Variants in FSTL5 observed in about 807,000 individuals in gnomAD.
The protein encoded by FSTL5 is follistatin like 5, also known as follistatin-related protein 5.
FSTL5 carries 62 observed loss-of-function variants against 89.1 expected under a neutral mutation model. The observed-to-expected ratio is 0.70, with a 90% CI of 0.57 to 0.86. The LOEUF (loss-of-function observed/expected upper bound fraction) is 0.86, where lower values mean the gene tolerates loss of function less well. FSTL5 is among the 40% of genes least tolerant of loss of function. The pLI, the probability that FSTL5 is intolerant of heterozygous loss-of-function variation, is 0.00. For synonymous variants in FSTL5, 383 were observed against 346.2 expected (o/e 1.11, Z -1.18); for missense variants, 1,057 against 1,001.6 (o/e 1.06, Z -0.75).
At chr4:162,088,523 C>T (rs188589137) in intron 2 of FSTL5, among the ~76,000 whole-genome samples, 12 of 152,108 alleles carry the variant, frequency 7.9e-5, no homozygotes, top group Admixed American at 2.6e-4. Context: ...TATAAGCTGA[C>T]TATTTTCATG....
chr4:161,516,724 TACACACAC>T (rs35139981), intron 10 of FSTL5, among the ~76,000 whole-genome samples: 22,892 of 127,246 alleles, frequency 0.18, 3,126 homozygotes, highest in Non-Finnish European at 0.24. Flanking sequence ...TATATATATG[TACACACAC>T]ACACACACAC....
intron 3 of FSTL5, among the ~76,000 whole-genome samples, chr4:161,972,662 C>T (rs1249755767): frequency 6.6e-6 from 1 of 152,168 alleles, no homozygotes; most frequent in African/African-American, 2.4e-5. Context: ...GTTGCAGTTT[C>T]AGATAAAACC....
intron 6 of FSTL5, among the ~76,000 whole-genome samples, chr4:161,741,194 G>T (rs564808131): frequency 6.6e-6 from 1 of 152,274 alleles, no homozygotes; most frequent in African/African-American, 2.4e-5. Context: ...TTTGTAAACG[G>T]CAGTTACAGG....
intron 8 of FSTL5, among the ~76,000 whole-genome samples, chr4:161,584,153 C>A (rs1391797562): frequency 1.3e-5 from 2 of 152,178 alleles, no homozygotes; most frequent in Non-Finnish European, 2.9e-5. Context: ...TGCCCTCCTG[C>A]ATTGCAAGAT....
chr4:162,068,054 A>G (rs1738977255), intron 2 of FSTL5, among the ~76,000 whole-genome samples: 1 of 152,126 alleles, frequency 6.6e-6, no homozygotes, highest in Non-Finnish European at 1.5e-5. Context: ...ATAAAAAATG[A>G]CACAAACAAA....
At chr4:161,405,452 G>C (rs1731341695) in intron 15 of FSTL5, among the ~76,000 whole-genome samples, 1 of 152,088 alleles carries the variant, frequency 6.6e-6, no homozygotes, top group African/African-American at 2.4e-5. Flanking sequence ...TTCAGTAGCA[G>C]ATATGAGCAG....
intron 9 of FSTL5, among the ~76,000 whole-genome samples, chr4:161,540,939 C>A (rs958594316): frequency 6.6e-6 from 1 of 152,038 alleles, no homozygotes; most frequent in African/African-American, 2.4e-5. Flanking sequence ...AGTCTCCTGT[C>A]TCTTGATGAA....
In FSTL5 at chr4:161,681,293, A is replaced by G. The variant is rs1332614958; in HGVS notation, c.728-24799T>C. ...GCTATAAAAGGGAAATCAAAAGAAA[A>G]AACTACATCACTGAAAAACTGAGAA... On this transcript the variant is annotated intron_variant, in intron 6 of 15. Transcript: ENST00000306100. Among the ~76,000 whole-genome samples, 3 of 152,106 alleles carry G rather than the reference A, an allele frequency of 2.0e-5. No individual in the cohort carries two copies. The East Asian group carries it at 5.8e-4, about 29-fold the overall frequency.
intron 6 of FSTL5, among the ~76,000 whole-genome samples, chr4:161,663,352 T>C (rs1265062887): frequency 6.6e-6 from 1 of 152,172 alleles, no homozygotes; most frequent in Non-Finnish European, 1.5e-5. Context: ...AGCTAGTTAC[T>C]TTCTAGATAC....
rs752588570 is a variant in FSTL5, at chr4:161,976,191, CT to C, written c.161-55540del. ...CTCACGTTTCATCTCAAGTGGGAAA[CT>C]TAAGAGCGTAAGCCTTCTTTCCTTT... On this transcript the variant is annotated intron_variant, in intron 3 of 15. Coordinates refer to ENST00000306100, the MANE Select transcript of FSTL5 (RefSeq NM_020116.5). Among the ~76,000 whole-genome samples, 162 of 149,686 alleles carry C rather than the reference CT, an allele frequency of 1.1e-3. 1 individual carries two copies. Among genetic ancestry groups the C allele is most frequent in the Non-Finnish European group, 1.9e-3 (129 of 67,486 alleles).
chr4:162,102,501 C>T (rs1731033929), intron 2 of FSTL5, among the ~76,000 whole-genome samples: 1 of 149,066 alleles, frequency 6.7e-6, no homozygotes, highest in Non-Finnish European at 1.5e-5. Context: ...TTTTCTACCA[C>T]CCAAATATAT....
chr4:161,882,206 G>A (rs970248579), intron 4 of FSTL5, among the ~76,000 whole-genome samples: 4 of 152,006 alleles, frequency 2.6e-5, no homozygotes, highest in Non-Finnish European at 5.9e-5. Flanking sequence ...TCCAGATTCT[G>A]TGAGCACTAC....
chr4:161,496,797 T>TAGAGATAGAGAG, intron 12 of FSTL5, among the ~76,000 whole-genome samples: 1 of 147,340 alleles, frequency 6.8e-6, no homozygotes, highest in Non-Finnish European at 1.5e-5. Context: ...AAGATAGAGA[T>TAGAGATAGAGAG]AGAGATAGAG....
intron 15 of FSTL5, chr4:161,388,272 T>G (rs990325717): frequency 2.0e-5 from 3 of 152,062 alleles, no homozygotes; most frequent in Non-Finnish European, 4.4e-5. Context: ...TAAACCCAGC[T>G]CATACCATAC....
At chr4:161,796,444 G>T (rs1256797640) in intron 4 of FSTL5, among the ~76,000 whole-genome samples, 1 of 151,712 alleles carries the variant, frequency 6.6e-6, no homozygotes, top group Non-Finnish European at 1.5e-5. Flanking sequence ...AAAACATGAT[G>T]AATATATTGC....
intron 3 of FSTL5, among the ~76,000 whole-genome samples, chr4:161,933,220 G>T (rs1335425939): frequency 1.3e-5 from 2 of 151,960 alleles, no homozygotes; most frequent in Non-Finnish European, 2.9e-5. Context: ...GTCTTTGCCG[G>T]TTTTCTCTGA....
intron 3 of FSTL5, among the ~76,000 whole-genome samples, chr4:162,005,575 C>A (rs1736592620): frequency 6.6e-6 from 1 of 151,984 alleles, no homozygotes; most frequent in Non-Finnish European, 1.5e-5. Flanking sequence ...GAATGTAAAA[C>A]CACTGAAAGA....
At chr4:162,144,304 GT>G (rs1332301665) in intron 1 of FSTL5, among the ~76,000 whole-genome samples, 1 of 152,110 alleles carries the variant, frequency 6.6e-6, no homozygotes, top group African/African-American at 2.4e-5. Context: ...TTCCATTTGT[GT>G]TATATGTTCT....
intron 6 of FSTL5, among the ~76,000 whole-genome samples, chr4:161,732,971 T>C (rs1739668600): frequency 6.6e-6 from 1 of 151,902 alleles, no homozygotes; most frequent in Non-Finnish European, 1.5e-5. Flanking sequence ...TTATTTTATA[T>C]ACTCTTTATT....
Sources: allele counts gnomAD v4.1 joint callset (sites outside exome capture counted in the v4.1 genomes callset), GRCh38; gene constraint gnomAD v4.1.1; transcripts MANE v1.5; gene names NCBI Gene and HGNC (gene_info 2026-07-23, HGNC 2026-07-21).